Variants in SNTG1 observed in about 807,000 individuals in gnomAD.
The protein encoded by SNTG1 is syntrophin gamma 1, also known as gamma-1-syntrophin.
Under a neutral mutation model 74.7 loss-of-function variants are expected in SNTG1, and 39 were observed. The observed-to-expected ratio is 0.52, with a 90% CI of 0.40 to 0.68. SNTG1 has a LOEUF of 0.68. Ranked by LOEUF, SNTG1 falls within the 30% of genes least tolerant of loss-of-function variation. The pLI is 0.00. For synonymous variants in SNTG1, 254 were observed against 217.1 expected (o/e 1.17, Z -1.49); for missense variants, 685 against 609.5 (o/e 1.12, Z -1.30).
At chr8:50,602,080 A>C (rs1358375977) in intron 13 of SNTG1, among the ~76,000 whole-genome samples, 1 of 151,802 alleles carries the variant, frequency 6.6e-6, no homozygotes, top group Admixed American at 6.6e-5. Context: ...CTGCCACTCT[A>C]TGTCTTTTGA....
At chr8:50,647,853 A>G (rs1274478672) in intron 13 of SNTG1, among the ~76,000 whole-genome samples, 1 of 151,894 alleles carries the variant, frequency 6.6e-6, no homozygotes, top group African/African-American at 2.4e-5. Context: ...TTTTTCTAAA[A>G]CATCCTATTT....
intron 10 of SNTG1, among the ~76,000 whole-genome samples, chr8:50,531,695 C>T (rs1321788982): frequency 6.6e-6 from 1 of 152,162 alleles, no homozygotes; most frequent in Non-Finnish European, 1.5e-5. Context: ...GCCCTGCTTC[C>T]ATCAGTCCTC....
intron 1 of SNTG1, among the ~76,000 whole-genome samples, chr8:49,958,085 A>T (rs1810343443): frequency 6.6e-6 from 1 of 152,132 alleles, no homozygotes; most frequent in Admixed American, 6.6e-5. Flanking sequence ...TGTTGGTAAG[A>T]GGTTGGGGAT....
intron 8 of SNTG1, among the ~76,000 whole-genome samples, chr8:50,478,787 T>C (rs1181469546): frequency 6.6e-6 from 1 of 152,198 alleles, no homozygotes; most frequent in Non-Finnish European, 1.5e-5. Flanking sequence ...TATGGTCAGA[T>C]ACTTTTAAGT....
chr8:50,310,715 A>G (rs1385027813), intron 2 of SNTG1, among the ~76,000 whole-genome samples: 1 of 152,170 alleles, frequency 6.6e-6, no homozygotes, highest in Non-Finnish European at 1.5e-5. Context: ...CAAATAAATA[A>G]ATAAATAAAT....
intron 8 of SNTG1, among the ~76,000 whole-genome samples, chr8:50,482,425 G>A (rs764863166): frequency 3.3e-5 from 5 of 152,168 alleles, no homozygotes; most frequent in Non-Finnish European, 7.3e-5. Flanking sequence ...GGAAATGTTT[G>A]TGAGAATTAC....
chr8:50,416,262 G>A (rs1239831710), intron 4 of SNTG1, among the ~76,000 whole-genome samples: 1 of 152,138 alleles, frequency 6.6e-6, no homozygotes, highest in African/African-American at 2.4e-5. Flanking sequence ...TTCCTGGATT[G>A]CCATGGAGGT....
chr8:50,426,597 T>G (rs1046059224), intron 4 of SNTG1, among the ~76,000 whole-genome samples: 1 of 151,936 alleles, frequency 6.6e-6, no homozygotes, highest in Non-Finnish European at 1.5e-5. Context: ...CTTTTTACTT[T>G]ATAAGTAAAA....
intron 2 of SNTG1, among the ~76,000 whole-genome samples, chr8:50,310,867 A>G (rs1240413122): frequency 6.6e-6 from 1 of 152,260 alleles, no homozygotes; most frequent in Non-Finnish European, 1.5e-5. Flanking sequence ...TAAAGAATGT[A>G]TGTGTATAAT....
intron 2 of SNTG1, among the ~76,000 whole-genome samples, chr8:50,265,765 C>T (rs1337590151): frequency 2.6e-5 from 4 of 151,820 alleles, no homozygotes; most frequent in Admixed American, 1.3e-4. Flanking sequence ...TTCAGAGAGA[C>T]ATTAAATCAA....
chr8:50,390,205 T>C (rs1437003089), intron 2 of SNTG1, among the ~76,000 whole-genome samples: 3 of 152,212 alleles, frequency 2.0e-5, no homozygotes, highest in Admixed American at 6.5e-5. Context: ...TCTAGGGTTT[T>C]TATAGTTTTA....
chr8:49,966,729 C>T (rs1387314236), intron 1 of SNTG1, among the ~76,000 whole-genome samples: 1 of 152,068 alleles, frequency 6.6e-6, no homozygotes, highest in African/African-American at 2.4e-5. Context: ...ACATATTTAA[C>T]CTATGGAAAT....
At chr8:50,210,642 AAGG>A (rs1196593684) in intron 2 of SNTG1, among the ~76,000 whole-genome samples, 1 of 152,182 alleles carries the variant, frequency 6.6e-6, no homozygotes, top group Non-Finnish European at 1.5e-5. Context: ...TTCATAAGTG[AAGG>A]AGAAGTAAAT....
chr8:50,516,159 T>G (rs1162437945), intron 9 of SNTG1, among the ~76,000 whole-genome samples: 1 of 152,186 alleles, frequency 6.6e-6, no homozygotes, highest in Non-Finnish European at 1.5e-5. Flanking sequence ...AAACAGGGTC[T>G]GGAGTGGACC....
At chr8:50,416,102 A>G (rs2093010302) in intron 4 of SNTG1, among the ~76,000 whole-genome samples, 1 of 152,218 alleles carries the variant, frequency 6.6e-6, no homozygotes, top group African/African-American at 2.4e-5. Context: ...TTCTCTCTTC[A>G]TCTGTGACAG....
At chr8:50,275,346 G>T (rs1048390691) in intron 2 of SNTG1, among the ~76,000 whole-genome samples, 3 of 151,942 alleles carry the variant, frequency 2.0e-5, no homozygotes, top group Non-Finnish European at 2.9e-5. Flanking sequence ...TGTTATATTT[G>T]TTCTTTGTTA....
intron 12 of SNTG1, chr8:50,575,697 G>C (rs2094573376): frequency 6.6e-6 from 1 of 152,210 alleles, no homozygotes; most frequent in Non-Finnish European, 1.5e-5. Flanking sequence ...CAGTGGAACA[G>C]TGTGAGCCAC....
intron 2 of SNTG1, among the ~76,000 whole-genome samples, chr8:50,267,320 GAAAA>G (rs2130214363): frequency 6.6e-6 from 1 of 152,206 alleles, no homozygotes; most frequent in African/African-American, 2.4e-5. Context: ...GTAATAAGAT[GAAAA>G]ATGACCTAGT....
intron 1 of SNTG1, among the ~76,000 whole-genome samples, chr8:49,930,563 A>G (rs751924191): frequency 8.5e-5 from 10 of 117,122 alleles, no homozygotes; most frequent in African/African-American, 1.3e-4. Flanking sequence ...ATGTGTGTGT[A>G]TATATATATA....
Sources: allele counts gnomAD v4.1 joint callset (sites outside exome capture counted in the v4.1 genomes callset), GRCh38; gene constraint gnomAD v4.1.1; transcripts MANE v1.5; gene names NCBI Gene and HGNC (gene_info 2026-07-23, HGNC 2026-07-21).